The following ASIC2 variants were observed in gnomAD, a reference collection of about 807,000 sequenced individuals.
The protein encoded by ASIC2 is acid-sensing ion channel 2.
A neutral mutation model predicts 57.3 loss-of-function variants in ASIC2; 25 were observed. That is an observed-to-expected ratio of 0.44 (90% CI 0.32 to 0.61). ASIC2 has a LOEUF of 0.61. Ranked by LOEUF, ASIC2 falls within the 20% of genes least tolerant of loss-of-function variation. ASIC2 has a pLI of 0.06. For missense variants in ASIC2, 641 were observed against 738.1 expected, an observed-to-expected ratio of 0.87 and a Z score of 1.52; for synonymous variants, 319 against 307.5, an observed-to-expected ratio of 1.04 and a Z score of -0.39.
intron 1 of ASIC2, among the ~76,000 whole-genome samples, chr17:33,976,978 G>C (rs1905413318): frequency 6.6e-6 from 1 of 152,018 alleles, no homozygotes; most frequent in South Asian, 2.1e-4. Context: ...CCTCGTTGTG[G>C]CGATGCCTCT....
intron 1 of ASIC2, among the ~76,000 whole-genome samples, chr17:33,517,756 G>A (rs1258878845): frequency 1.3e-5 from 2 of 151,454 alleles, no homozygotes; most frequent in South Asian, 2.1e-4. Context: ...GTTAAATGAC[G>A]AGTTAATGGG....
At chr17:33,586,214 A>G (rs1364612811) in intron 1 of ASIC2, among the ~76,000 whole-genome samples, 1 of 152,178 alleles carries the variant, frequency 6.6e-6, no homozygotes, top group Non-Finnish European at 1.5e-5. Flanking sequence ...ATATCCTCAT[A>G]AAGAAGCCAG....
chr17:33,636,719 A>G (rs1043724737), intron 1 of ASIC2, among the ~76,000 whole-genome samples: 5 of 152,200 alleles, frequency 3.3e-5, no homozygotes, highest in African/African-American at 9.7e-5. Context: ...TTATCTGGAT[A>G]TGCATACACA....
In ASIC2 at chr17:33,408,034, C is replaced by T. The variant is rs199921821; in HGVS notation, c.556-295967G>A. On this transcript the variant is annotated intron_variant, in intron 1 of 9. Coordinates refer to the ASIC2 transcript ENST00000359872. ...CACACCAGTTCCAAATCTGTGGCTT[C>T]CCTGCCCTTTAGAAGAAGTGTGCCA... is the stretch of plus-strand genomic sequence containing the variant. Among the ~76,000 whole-genome samples, 907 of 152,210 alleles carry T rather than the reference C, an allele frequency of 6.0e-3. 9 individuals are homozygous for T. Among genetic ancestry groups the T allele is most frequent in the African/African-American group, 0.021 (853 of 41,536 alleles).
chr17:33,119,442 T>C (rs1425141167), intron 1 of ASIC2, among the ~76,000 whole-genome samples: 2 of 152,240 alleles, frequency 1.3e-5, no homozygotes, highest in African/African-American at 4.8e-5. Flanking sequence ...TTTCACACAA[T>C]TGGGAAGTGA....
intron 1 of ASIC2, chr17:34,147,108 A>G (rs556528358): frequency 2.6e-5 from 4 of 152,354 alleles, no homozygotes; most frequent in East Asian, 3.9e-4. Context: ...CACTCCCAAC[A>G]TAAGTTAAAG....
chr17:33,700,379 G>T (rs1157348315), intron 1 of ASIC2, among the ~76,000 whole-genome samples: 2 of 152,094 alleles, frequency 1.3e-5, no homozygotes, highest in Non-Finnish European at 2.9e-5. Flanking sequence ...AACACAAAGA[G>T]ATCCCTAGCT....
intron 1 of ASIC2, chr17:33,936,315 C>T (rs1036724754): frequency 1.3e-5 from 2 of 152,204 alleles, no homozygotes; most frequent in Non-Finnish European, 2.9e-5. Context: ...TCACCCTACA[C>T]GGGGATGTTT....
At chr17:33,180,809 G>A (rs1381863490) in intron 1 of ASIC2, among the ~76,000 whole-genome samples, 1 of 152,104 alleles carries the variant, frequency 6.6e-6, no homozygotes, top group East Asian at 1.9e-4. Context: ...GAGCCTGTGT[G>A]TTTGGAGTTC....
In ASIC2 at chr17:33,181,856, C is replaced by T. The variant is rs537789703; in HGVS notation, c.709-69789G>A. On this transcript the variant is annotated intron_variant, in intron 1 of 9. Transcript: ENST00000225823. Reference sequence around the variant, plus strand: ...AAACGAACAAAAACCACACCCCCAGCCTGCTTGACGAAGGGCAAGGAGGTC... The same window carrying T: ...AAACGAACAAAAACCACACCCCCAGTCTGCTTGACGAAGGGCAAGGAGGTC... Among the ~76,000 whole-genome samples, 3 of 152,272 alleles carry T rather than the reference C, an allele frequency of 2.0e-5. No homozygotes were observed. In the South Asian group the frequency reaches 6.2e-4, roughly 32 times the overall value.
At chr17:33,950,274 G>C (rs1904516218) in intron 1 of ASIC2, among the ~76,000 whole-genome samples, 1 of 152,220 alleles carries the variant, frequency 6.6e-6, no homozygotes, top group Admixed American at 6.5e-5. Context: ...TGCAGACCCA[G>C]AGGCTGCCGG....
At chr17:33,195,302 CT>C (rs1371770039) in intron 1 of ASIC2, among the ~76,000 whole-genome samples, 3 of 152,142 alleles carry the variant, frequency 2.0e-5, no homozygotes, top group Non-Finnish European at 4.4e-5. Flanking sequence ...ATCATACAGA[CT>C]CAGGGGAAAG....
At chr17:33,200,974 T>A (rs964579496) in intron 1 of ASIC2, among the ~76,000 whole-genome samples, 1 of 152,154 alleles carries the variant, frequency 6.6e-6, no homozygotes, top group Admixed American at 6.5e-5. Context: ...TCCCTCTGCC[T>A]GGAATGCTCC....
chr17:33,816,227 G>A (rs948323246), intron 1 of ASIC2, among the ~76,000 whole-genome samples: 4 of 152,032 alleles, frequency 2.6e-5, no homozygotes, highest in African/African-American at 9.7e-5. Flanking sequence ...CTAATTTAAT[G>A]CATTGCTATG....
At chr17:33,391,801 C>T (rs979596006) in intron 1 of ASIC2, among the ~76,000 whole-genome samples, 7 of 152,182 alleles carry the variant, frequency 4.6e-5, no homozygotes, top group Admixed American at 3.3e-4. Context: ...GTGCCAGGTC[C>T]TATGTTAAGT....
intron 1 of ASIC2, among the ~76,000 whole-genome samples, chr17:33,495,962 CAG>C (rs1220310152): frequency 6.6e-6 from 1 of 152,182 alleles, no homozygotes; most frequent in Admixed American, 6.5e-5. Context: ...GGTGAAGACT[CAG>C]AGAAGGGAAG....
At chr17:33,158,998 A>AC (rs1327722230) in intron 1 of ASIC2, among the ~76,000 whole-genome samples, 10 of 152,178 alleles carry the variant, frequency 6.6e-5, no homozygotes, top group African/African-American at 2.4e-4. Flanking sequence ...CCACACCCCC[A>AC]CCACACCTGA....
intron 1 of ASIC2, among the ~76,000 whole-genome samples, chr17:33,348,661 A>G (rs1328638840): frequency 6.6e-6 from 1 of 152,092 alleles, no homozygotes; most frequent in African/African-American, 2.4e-5. Context: ...GATGATGGAC[A>G]CTGAGAGGGC....
At chr17:33,648,883 A>T (rs1302651415) in intron 1 of ASIC2, among the ~76,000 whole-genome samples, 1 of 152,234 alleles carries the variant, frequency 6.6e-6, no homozygotes, top group African/African-American at 2.4e-5. Context: ...TTATGATGTT[A>T]AAACTTCAGA....
Sources: allele counts gnomAD v4.1 joint callset (sites outside exome capture counted in the v4.1 genomes callset), GRCh38; gene constraint gnomAD v4.1.1; transcripts MANE v1.5; gene names NCBI Gene and HGNC (gene_info 2026-07-23, HGNC 2026-07-21).